Variants in BMP6 observed in about 807,000 individuals in gnomAD.
BMP6 encodes VG-1-R.
Under a neutral mutation model 54.1 loss-of-function variants are expected in BMP6, and 17 were observed. The observed-to-expected ratio is 0.31, with a 90% CI of 0.22 to 0.47. The LOEUF (loss-of-function observed/expected upper bound fraction) is 0.47, where lower values mean the gene tolerates loss of function less well. BMP6 is among the 20% of genes least tolerant of loss of function. BMP6 has a pLI of 1.00. For missense variants in BMP6, 720 were observed against 690.4 expected, an observed-to-expected ratio of 1.04 and a Z score of -0.48; for synonymous variants, 328 against 291.2, an observed-to-expected ratio of 1.13 and a Z score of -1.28.
intron 1 of BMP6, among the ~76,000 whole-genome samples, chr6:7,754,610 T>C (rs1049976957): frequency 6.6e-5 from 10 of 152,248 alleles, no homozygotes; most frequent in African/African-American, 2.4e-4. Flanking sequence ...CTCTTTGTCC[T>C]TGATAATAGT....
intron 1 of BMP6, among the ~76,000 whole-genome samples, chr6:7,840,154 C>G (rs1186818482): frequency 6.6e-6 from 1 of 152,166 alleles, no homozygotes; most frequent in Admixed American, 6.5e-5. Flanking sequence ...CTACATTTTC[C>G]ATGTGAGCCT....
chr6:7,825,765 C>T (rs550945949), intron 1 of BMP6, among the ~76,000 whole-genome samples: 3 of 151,574 alleles, frequency 2.0e-5, no homozygotes, highest in Admixed American at 2.0e-4. Flanking sequence ...TAGTGTTTTT[C>T]AGAGACATAG....
chr6:7,810,961 G>A (rs752276909), intron 1 of BMP6, among the ~76,000 whole-genome samples: 2 of 152,128 alleles, frequency 1.3e-5, no homozygotes, highest in African/African-American at 2.4e-5. Context: ...TTGAAGCCTG[G>A]GTCTGAAACT....
intron 1 of BMP6, among the ~76,000 whole-genome samples, chr6:7,745,587 T>C: frequency 6.6e-6 from 1 of 152,210 alleles, no homozygotes; most frequent in Non-Finnish European, 1.5e-5. Flanking sequence ...AAAAGGTTTT[T>C]AAACTCAGGG....
intron 1 of BMP6, 135 bp downstream of exon 1, chr6:7,727,754 G>T: frequency 8.9e-7 from 1 of 1,124,678 alleles, no homozygotes; most frequent in East Asian, 3.2e-5. Context: ...CGCGGGGACA[G>T]GCAGGCTGTG....
At chr6:7,856,568 A>C (rs1437522740) in intron 2 of BMP6, among the ~76,000 whole-genome samples, 1 of 149,592 alleles carries the variant, frequency 6.7e-6, no homozygotes, top group Non-Finnish European at 1.5e-5. Flanking sequence ...CTTACTTTGA[A>C]TATATAAATG....
chr6:7,818,162 G>A (rs1184393746), intron 1 of BMP6, among the ~76,000 whole-genome samples: 3 of 152,128 alleles, frequency 2.0e-5, no homozygotes, highest in Admixed American at 6.5e-5. Flanking sequence ...AAATACATAC[G>A]AATTAGAGCC....
At chr6:7,786,467 T>G (rs1056948919) in intron 1 of BMP6, among the ~76,000 whole-genome samples, 4 of 151,570 alleles carry the variant, frequency 2.6e-5, no homozygotes, top group African/African-American at 4.8e-5. Flanking sequence ...TCTGTTTTTT[T>G]TTTTTTTTTT....
chr6:7,837,993 A>G (rs773291115), intron 1 of BMP6, among the ~76,000 whole-genome samples: 5 of 152,136 alleles, frequency 3.3e-5, no homozygotes, highest in Admixed American at 1.3e-4. Context: ...TTCAGGAAGT[A>G]TATTACTTCT....
intron 1 of BMP6, among the ~76,000 whole-genome samples, chr6:7,772,013 G>A (rs560224869): frequency 6.7e-6 from 1 of 148,730 alleles, no homozygotes; most frequent in East Asian, 2.0e-4. Context: ...GAGATTGTGC[G>A]ATTGCACTCC....
In BMP6 at chr6:7,726,925, G is replaced by C. The variant is rs986151349; in HGVS notation, c.-31G>C. 8 of 1,129,488 alleles carry C rather than the reference G, an allele frequency of 7.1e-6. No homozygotes were observed. In the African/African-American group the frequency reaches 9.9e-5, roughly 14 times the overall value. 70.0% of individuals were successfully genotyped at this position (1,129,488 alleles called of 1,614,324 possible). A position where few individuals can be genotyped will look rare whatever the true frequency, so the allele number is the denominator to read the frequency against. On this transcript the variant is annotated 5_prime_UTR_variant, in exon 1 of 7. Coordinates refer to ENST00000283147, the MANE Select transcript of BMP6 (RefSeq NM_001718.6). ...TCGCTCCGCCGCTCCACGCCTCGCG[G>C]GATCCGCGGGGGCAGCCCGGCCGGG...
At chr6:7,872,131 T>A (rs754303913) in intron 4 of BMP6, among the ~76,000 whole-genome samples, 3 of 152,198 alleles carry the variant, frequency 2.0e-5, no homozygotes, top group Non-Finnish European at 2.9e-5. Flanking sequence ...GGGGCAAAGC[T>A]GTGTTACCTC....
chr6:7,788,760 A>G (rs1471887086), intron 1 of BMP6, among the ~76,000 whole-genome samples: 2 of 152,212 alleles, frequency 1.3e-5, no homozygotes, highest in East Asian at 3.8e-4. Flanking sequence ...CATTTCAAAT[A>G]ATCATCTTGC....
intron 4 of BMP6, 131 bp downstream of exon 4, chr6:7,862,629 A>T: frequency 5.1e-6 from 6 of 1,171,408 alleles, no homozygotes; most frequent in East Asian, 2.6e-5. Context: ...TGTCATATGC[A>T]TGATGGTACC....
intron 5 of BMP6, among the ~76,000 whole-genome samples, chr6:7,879,429 C>G (rs1197603703): frequency 1.3e-5 from 2 of 152,170 alleles, no homozygotes; most frequent in Admixed American, 6.5e-5. Context: ...CTCACCTCAT[C>G]CTTTCAAAGC....
chr6:7,738,170 T>C (rs550733394), intron 1 of BMP6, among the ~76,000 whole-genome samples: 1 of 152,338 alleles, frequency 6.6e-6, no homozygotes, highest in South Asian at 2.1e-4. Flanking sequence ...CTTTCTCCTG[T>C]TAATGCCCTG....
chr6:7,760,144 C>T (rs1461934680), intron 1 of BMP6, among the ~76,000 whole-genome samples: 1 of 148,590 alleles, frequency 6.7e-6, no homozygotes, highest in African/African-American at 2.5e-5. Context: ...TTACTGCAGC[C>T]TCGAACTCCT....
intron 4 of BMP6, among the ~76,000 whole-genome samples, chr6:7,864,483 C>T (rs1475865127): frequency 6.6e-6 from 1 of 152,122 alleles, no homozygotes; most frequent in African/African-American, 2.4e-5. Context: ...CCCTGGAAAA[C>T]AAGTAAAATA....
At chr6:7,838,708 C>T (rs1019096167) in intron 1 of BMP6, among the ~76,000 whole-genome samples, 2 of 152,078 alleles carry the variant, frequency 1.3e-5, no homozygotes, top group Admixed American at 6.5e-5. Flanking sequence ...TTTGGGAGGC[C>T]GAGGCGGGTG....
Sources: allele counts gnomAD v4.1 joint callset (sites outside exome capture counted in the v4.1 genomes callset), GRCh38; gene constraint gnomAD v4.1.1; transcripts MANE v1.5; gene names NCBI Gene and HGNC (gene_info 2026-07-23, HGNC 2026-07-21).